The following MAML2 variants were observed in gnomAD, a reference collection of about 807,000 sequenced individuals.
The protein encoded by MAML2 is mastermind-like protein 2.
A neutral mutation model predicts 96.1 loss-of-function variants in MAML2; 22 were observed. The observed-to-expected ratio is 0.23, with a 90% CI of 0.16 to 0.33. MAML2 has a LOEUF of 0.33. Among genes scored for constraint, MAML2 ranks in the 10% least tolerant of loss-of-function variants. MAML2 has a pLI of 1.00. For missense variants in MAML2, 1,367 were observed against 1,392.4 expected (o/e 0.98, Z 0.29); for synonymous variants, 561 against 521.3 (o/e 1.08, Z -1.04).
chr11:96,015,651 C>A (rs1002019303), intron 2 of MAML2, among the ~76,000 whole-genome samples: 2 of 148,852 alleles, frequency 1.3e-5, no homozygotes, highest in Admixed American at 6.7e-5. Flanking sequence ...TGTAGAAGAT[C>A]CTTTATGCCA....
At chr11:96,076,187 T>C (rs1303319149) in intron 2 of MAML2, among the ~76,000 whole-genome samples, 3 of 151,904 alleles carry the variant, frequency 2.0e-5, no homozygotes, top group East Asian at 1.9e-4. Context: ...TGCTCAGGGG[T>C]GAAAGAAATA....
intron 1 of MAML2, among the ~76,000 whole-genome samples, chr11:96,318,852 ACAG>A (rs1484304096): frequency 6.6e-6 from 1 of 152,182 alleles, no homozygotes; most frequent in Admixed American, 6.5e-5. Context: ...AATTAACAAC[ACAG>A]AAGAGGACAT....
At chr11:96,236,596 A>G (rs1862370289) in intron 1 of MAML2, among the ~76,000 whole-genome samples, 1 of 152,172 alleles carries the variant, frequency 6.6e-6, no homozygotes, top group Non-Finnish European at 1.5e-5. Context: ...AAGCACCATG[A>G]ATGCGTACTC....
At chr11:96,027,461 A>G (rs1858543545) in intron 2 of MAML2, among the ~76,000 whole-genome samples, 1 of 152,128 alleles carries the variant, frequency 6.6e-6, no homozygotes, top group East Asian at 1.9e-4. Flanking sequence ...TCTCTCCTTT[A>G]TACTGTTTCT....
At chr11:96,070,190 T>C (rs1182825954) in intron 2 of MAML2, among the ~76,000 whole-genome samples, 2 of 151,766 alleles carry the variant, frequency 1.3e-5, no homozygotes, top group Non-Finnish European at 2.9e-5. Context: ...CTCGGGAGGC[T>C]GAGGCAGGAG....
intron 1 of MAML2, among the ~76,000 whole-genome samples, chr11:96,285,912 G>A (rs749249070): frequency 6.6e-6 from 1 of 152,196 alleles, no homozygotes; most frequent in Admixed American, 6.5e-5. Flanking sequence ...GGAAGAGAGT[G>A]TGGCAATTCT....
intron 1 of MAML2, among the ~76,000 whole-genome samples, chr11:96,304,794 C>G (rs1016164778): frequency 6.6e-6 from 1 of 152,124 alleles, no homozygotes; most frequent in Non-Finnish European, 1.5e-5. Flanking sequence ...TGATGTTACA[C>G]CACTGTGATT....
chr11:95,999,487 T>C (rs1858047618), intron 2 of MAML2, among the ~76,000 whole-genome samples: 1 of 151,076 alleles, frequency 6.6e-6, no homozygotes, highest in South Asian at 2.1e-4. Context: ...GTCAGTTTTA[T>C]AGTTAAAGCA....
chr11:96,118,481 C>G (rs1327139591), intron 1 of MAML2, among the ~76,000 whole-genome samples: 1 of 152,152 alleles, frequency 6.6e-6, no homozygotes, highest in African/African-American at 2.4e-5. Flanking sequence ...TTTCCTGGGG[C>G]CTCCTAAGCC....
chr11:96,232,378 A>G (rs1862305940), intron 1 of MAML2, among the ~76,000 whole-genome samples: 1 of 152,250 alleles, frequency 6.6e-6, no homozygotes, highest in Non-Finnish European at 1.5e-5. Flanking sequence ...TGTGGTGGGC[A>G]ATTATCCAAG....
intron 1 of MAML2, among the ~76,000 whole-genome samples, chr11:96,155,162 T>C (rs561198063): frequency 5.3e-4 from 80 of 152,234 alleles, no homozygotes; most frequent in African/African-American, 1.8e-3. Flanking sequence ...TTTTTTAAAA[T>C]GAAGAACAGC....
intron 1 of MAML2, among the ~76,000 whole-genome samples, chr11:96,236,197 G>A (rs550873283): frequency 1.3e-5 from 2 of 152,292 alleles, no homozygotes; most frequent in African/African-American, 4.8e-5. Flanking sequence ...CTTCTTTCTA[G>A]ACATATGACA....
At chr11:96,131,995 G>A (rs1368645695) in intron 1 of MAML2, among the ~76,000 whole-genome samples, 1 of 152,190 alleles carries the variant, frequency 6.6e-6, no homozygotes, top group Non-Finnish European at 1.5e-5. Flanking sequence ...GGGCAACAGA[G>A]TGAGACTCTG....
intron 2 of MAML2, among the ~76,000 whole-genome samples, chr11:96,066,920 C>G (rs888871386): frequency 6.6e-6 from 1 of 152,190 alleles, no homozygotes; most frequent in African/African-American, 2.4e-5. Flanking sequence ...TTGGTGCATT[C>G]TGGGAAGGCA....
At chr11:96,205,191 T>C (rs1301750512) in intron 1 of MAML2, among the ~76,000 whole-genome samples, 1 of 152,254 alleles carries the variant, frequency 6.6e-6, no homozygotes, top group East Asian at 1.9e-4. Flanking sequence ...ATTACTGTAG[T>C]GACCTAATTG....
At chr11:96,302,979 T>A (rs1863410133) in intron 1 of MAML2, among the ~76,000 whole-genome samples, 1 of 152,248 alleles carries the variant, frequency 6.6e-6, no homozygotes. Flanking sequence ...TTATTTTGGA[T>A]TCTTTCCTCT....
At chr11:96,162,304 T>A (rs1861121898) in intron 1 of MAML2, among the ~76,000 whole-genome samples, 1 of 150,950 alleles carries the variant, frequency 6.6e-6, no homozygotes, top group Non-Finnish European at 1.5e-5. Flanking sequence ...TACCTCGACA[T>A]GGTACAAAAC....
In MAML2 at chr11:96,212,335, G is replaced by A. The variant is rs983543429; in HGVS notation, c.514-118818C>T. 9.9e-5 allele frequency among the ~76,000 whole-genome samples: 15 copies of A among 152,046 alleles called. No individual in the cohort carries two copies. In the East Asian group the frequency reaches 2.7e-3, roughly 27 times the overall value. ...GGACACAAGAGTGTCTGCGATCACCGAGAAGAGCAGGCAGAATCAAAGACA... is the reference window on the plus strand; with the variant it reads ...GGACACAAGAGTGTCTGCGATCACCAAGAAGAGCAGGCAGAATCAAAGACA... On this transcript the variant is annotated intron_variant, in intron 1 of 4. Coordinates refer to ENST00000524717, the MANE Select transcript of MAML2 (RefSeq NM_032427.4).
chr11:95,981,185 A>G (rs1319721637), intron 4 of MAML2, among the ~76,000 whole-genome samples: 1 of 152,164 alleles, frequency 6.6e-6, no homozygotes, highest in African/African-American at 2.4e-5. Context: ...CCATGTGTCC[A>G]CGAACCTAAT....
Sources: allele counts gnomAD v4.1 joint callset (sites outside exome capture counted in the v4.1 genomes callset), GRCh38; gene constraint gnomAD v4.1.1; transcripts MANE v1.5; gene names NCBI Gene and HGNC (gene_info 2026-07-23, HGNC 2026-07-21).